Variants in BPIFA1 observed in about 807,000 individuals in gnomAD.
The protein encoded by BPIFA1 is BPI fold-containing family A member 1.
BPIFA1 carries 24 observed loss-of-function variants against 25.1 expected under a neutral mutation model. The observed-to-expected ratio is 0.96, with a 90% CI of 0.69 to 1.35. The LOEUF is 1.35. Among genes scored for constraint, BPIFA1 ranks in the 40% most tolerant of loss-of-function variants. The pLI is 0.00. For missense variants in BPIFA1, 344 were observed against 303.7 expected (o/e 1.13, Z -0.99); for synonymous variants, 139 against 131.8 (o/e 1.05, Z -0.37).
Position 33,242,563 on chromosome 20 carries a change from T to C in BPIFA1, c.*34+2T>C. 3.7e-6 allele frequency: 6 copies of C among 1,607,558 alleles called. No homozygotes were observed. Among genetic ancestry groups the C allele is most frequent in the Non-Finnish European group, 5.1e-6 (6 of 1,174,064 alleles). On this transcript the variant is annotated splice_donor_variant, in intron 8 of 8. Coordinates refer to ENST00000354297, the MANE Select transcript of BPIFA1 (RefSeq NM_130852.3). LOFTEE classifies it low-confidence loss of function (3UTR_SPLICE). ...AAGGGGCTGGCCTCTGCTGAGCTGG[T>C]AAGTGCCCTTCCCCACACCCCAGGG... is the stretch of plus-strand genomic sequence containing the variant.
intron 1 of BPIFA1, among the ~76,000 whole-genome samples, chr20:33,236,750 T>A (rs534784387): frequency 6.6e-6 from 1 of 152,296 alleles, no homozygotes; most frequent in African/African-American, 2.4e-5. Flanking sequence ...CATGTTTGTG[T>A]GTTGGGTGAG....
At chr20:33,237,929 TG>T in intron 2 of BPIFA1, 58 bp downstream of exon 2, 2 of 1,486,134 alleles carry the variant, frequency 1.3e-6, no homozygotes, top group Non-Finnish European at 1.8e-6. Context: ...TGTGTGTGTG[TG>T]TGTGTGTGTG....
chr20:33,239,857 T>A lies in BPIFA1; in HGVS notation c.375T>A (p.Asp125Glu), dbSNP rs1202303031. 1 of 1,614,098 alleles carries A rather than the reference T, an allele frequency of 6.2e-7. No homozygotes were observed. The highest frequency in any genetic ancestry group is 2.2e-5 in the East Asian group (1 of 44,900). ...AACTTGGCCTTGTGCAGAGCCCTGA[T>A]GGCCACCGTCTCTATGTCACCATCC... Reference protein sequence around the residue: ...LLELGLVQSPDGHRLYVTIPL... With the variant: ...LLELGLVQSPEGHRLYVTIPL... Residue 125 changes from aspartate (D) to glutamate (E), a missense_variant, in exon 4 of 9, where the codon GAT becomes GAA. Coordinates refer to ENST00000354297, the MANE Select transcript of BPIFA1 (RefSeq NM_130852.3).
intron 3 of BPIFA1, among the ~76,000 whole-genome samples, chr20:33,239,542 T>C (rs1402982443): frequency 6.6e-6 from 1 of 152,152 alleles, no homozygotes. Context: ...CCAGACACAG[T>C]TGTTGTCCTG....
At chr20:33,240,691 A>G (rs577084784) in intron 5 of BPIFA1, among the ~76,000 whole-genome samples, 177 of 137,320 alleles carry the variant, frequency 1.3e-3, no homozygotes, top group African/African-American at 5.9e-3. Flanking sequence ...AGATAGATAA[A>G]GTAGTACTTA....
chr20:33,241,704 T>C lies in BPIFA1; in HGVS notation c.666+235T>C, dbSNP rs143123857. ...TTGTCCACACTGAAGCTGAAATGGATTGGCCCCTGTTCTGAGAAATTGGAG... is the reference window on the plus strand; with the variant it reads ...TTGTCCACACTGAAGCTGAAATGGACTGGCCCCTGTTCTGAGAAATTGGAG... On this transcript the variant is annotated intron_variant, in intron 6 of 8. Transcript: ENST00000354297. 7.9e-3 allele frequency among the ~76,000 whole-genome samples: 1,198 copies of C among 152,304 alleles called. 12 individuals carry two copies. The highest frequency in any genetic ancestry group is 0.027 in the African/African-American group (1,138 of 41,568).
At chr20:33,237,615 C>A in intron 1 of BPIFA1, 82 bp from the exon 2 acceptor site, 1 of 1,211,450 alleles carries the variant, frequency 8.3e-7, no homozygotes, top group Non-Finnish European at 1.1e-6. Context: ...CAAACAACCC[C>A]ACCCCCCAGG....
Position 33,240,186 on chromosome 20 carries a change from T to G in BPIFA1, c.429-47T>G, listed in dbSNP as rs1568631290. On this transcript the variant is annotated intron_variant, in intron 4 of 8. Coordinates refer to ENST00000354297, the MANE Select transcript of BPIFA1 (RefSeq NM_130852.3). ...GGCAAGGAGAAAATAACCCTCTTCC[T>G]TGGAATGTGGTGGAGCTAGATACCA... 4.4e-6 allele frequency: 7 copies of G among 1,602,226 alleles called. 1 individual carries two copies. The highest frequency in any genetic ancestry group is 3.9e-4 in the Middle Eastern group (2 of 5,074).
At chr20:33,241,509 T>C (rs1384305298) in intron 6 of BPIFA1, 40 bp downstream of exon 6, 1 of 1,555,924 alleles carries the variant, frequency 6.4e-7, no homozygotes, top group Admixed American at 1.7e-5. Context: ...CCTCAGGTTT[T>C]AGAGCTTCTT....
At chr20:33,240,693 T>C (rs1978934795) in intron 5 of BPIFA1, among the ~76,000 whole-genome samples, 1 of 113,096 alleles carries the variant, frequency 8.8e-6, no homozygotes, top group Admixed American at 8.4e-5. Flanking sequence ...ATAGATAAAG[T>C]AGTACTTATT....
intron 2 of BPIFA1, 27 bp downstream of exon 2, chr20:33,237,898 ATGTGTGTGTGTG>A (rs11468029): frequency 0.047 from 55,301 of 1,180,216 alleles, 391 homozygotes; most frequent in Middle Eastern, 0.084. Flanking sequence ...GTATGTGTGC[ATGTGTGTGTGTG>A]TGTGTGTGTG....
rs772751120 is a variant in BPIFA1, at chr20:33,239,927, A to T, written c.428+17A>T. On this transcript the variant is annotated intron_variant, in intron 4 of 8. Coordinates refer to ENST00000354297, the MANE Select transcript of BPIFA1 (RefSeq NM_130852.3). ...AGTGAATACGTGAGTGGGTCCCAAG[A>T]GGGGGTGAGAGGATGGCTCACCGAG... is the stretch of plus-strand genomic sequence containing the variant. 3 of 1,603,562 alleles carry T rather than the reference A, an allele frequency of 1.9e-6. No homozygotes were observed. In the Admixed American group the frequency reaches 5.0e-5, roughly 27 times the overall value.
At position 33,242,454 on chromosome 20, in the gene BPIFA1, G is replaced by C. The variant is rs185041484; in HGVS notation, c.731-33G>C. On this transcript the variant is annotated intron_variant, in intron 7 of 8. Coordinates refer to ENST00000354297, the MANE Select transcript of BPIFA1 (RefSeq NM_130852.3). ...CCTTCACGTTGAGATCATAACTGTC[G>C]TCTGTTTTTTTATTGCTTGTTTGTT... 7.1e-4 allele frequency: 1,153 copies of C among 1,612,702 alleles called. 10 individuals carry two copies. The Middle Eastern group carries it at 0.025, about 36-fold the overall frequency.
chr20:33,239,988 G>C, intron 4 of BPIFA1, 78 bp downstream of exon 4: 1 of 1,475,110 alleles, frequency 6.8e-7, no homozygotes, highest in Non-Finnish European at 9.5e-7. Flanking sequence ...CATAACGGGG[G>C]TATTGGAGTC....
In BPIFA1 at chr20:33,237,848, G is replaced by A. The variant is rs1432805961; in HGVS notation, c.137G>A (p.Gly46Asp). ...VNPALPLSPT[G>D]LAGSLTNALS... is the part of the protein sequence containing the mutation. ...CCAGCCCTGCCCTTGAGTCCCACAG[G>A]TCTTGCAGGAAGCTTGACAAATGGT... The change falls in exon 2 of 9, where the codon GGT becomes GAT. Residue 46 changes from glycine to aspartate, a missense_variant. Coordinates refer to ENST00000354297, the MANE Select transcript of BPIFA1 (RefSeq NM_130852.3). 9 of 1,586,744 alleles carry A rather than the reference G, an allele frequency of 5.7e-6. No homozygotes were observed. Among genetic ancestry groups the A allele is most frequent in the Non-Finnish European group, 7.7e-6 (9 of 1,167,748 alleles).
intron 3 of BPIFA1, among the ~76,000 whole-genome samples, chr20:33,238,940 A>G (rs1029996526): frequency 1.3e-5 from 2 of 152,124 alleles, no homozygotes; most frequent in Non-Finnish European, 1.5e-5. Flanking sequence ...TTTCAAATGT[A>G]CTTGTTGGAT....
At position 33,238,113 on chromosome 20, in the gene BPIFA1, C is replaced by T. The variant is rs1978786121; in HGVS notation, c.219C>T (p.Leu73=). 3 of 1,613,882 alleles carry T rather than the reference C, an allele frequency of 1.9e-6. No individual in the cohort carries two copies. The South Asian group carries it at 3.3e-5, about 18-fold the overall frequency. Residue 73 remains leucine (L), a synonymous_variant, in exon 3 of 9, where the codon CTC becomes CTT. Coordinates refer to ENST00000354297, the MANE Select transcript of BPIFA1 (RefSeq NM_130852.3). ...TGGGCATTCTGGAAAACCTTCCGCT[C>T]CTGGACATCCTGAAGCCTGGAGGAG... ...GLLGILENLP[L]LDILKPGGGT...
In BPIFA1 at chr20:33,240,234, C is replaced by T. The variant is rs1021703563; in HGVS notation, c.430C>T (p.Pro144Ser). ...CCAGTGGGGCTGTCTCCTTTGCAGG[C>T]CCCTGGTCGGTGCAAGTCTGTTGAG... ...PLGIKLQVNTPLVGASLLRLA... is the reference protein window; with the variant it reads ...PLGIKLQVNTSLVGASLLRLA... The change falls in exon 5 of 9, where the codon CCC (proline) becomes TCC (serine). Residue 144 changes from proline (P) to serine (S), a missense_variant and splice_region_variant. By Grantham distance (74) the Pro-to-Ser change is moderately conservative (BLOSUM62 -1). Coordinates refer to ENST00000354297, the MANE Select transcript of BPIFA1 (RefSeq NM_130852.3). 13 of 1,613,548 alleles carry T rather than the reference C, an allele frequency of 8.1e-6. No homozygotes were observed. The highest frequency in any genetic ancestry group is 1.0e-5 in the Non-Finnish European group (12 of 1,179,842).
chr20:33,237,681 G>T lies in BPIFA1; in HGVS notation c.-15-16G>T. 1 of 1,415,664 alleles carries T rather than the reference G, an allele frequency of 7.1e-7. No homozygotes were observed. Among genetic ancestry groups the T allele is most frequent in the Non-Finnish European group, 9.3e-7 (1 of 1,079,870 alleles). 87.7% of individuals were successfully genotyped at this position (1,415,664 alleles called of 1,614,324 possible). A position where few individuals can be genotyped will look rare whatever the true frequency, so the allele number is the denominator to read the frequency against. Reference sequence around the variant, plus strand: ...CTGATACCCATGCCATGTTGGACTTGTCATTCTGGCCACAGATACTAAGAG... The same window carrying T: ...CTGATACCCATGCCATGTTGGACTTTTCATTCTGGCCACAGATACTAAGAG... On this transcript the variant is annotated splice_polypyrimidine_tract_variant and intron_variant, in intron 1 of 8. Transcript: ENST00000354297.
Sources: gnomAD v4.1 joint callset for allele counts (sites outside exome capture counted in the v4.1 genomes callset) on GRCh38, gnomAD v4.1.1 for gene constraint, MANE v1.5 for transcripts, NCBI Gene and HGNC (gene_info 2026-07-23, HGNC 2026-07-21) for gene names.